COP1: variants seen among roughly 807,000 people sequenced by gnomAD.
COP1 encodes the protein E3 ubiquitin-protein ligase COP1.
In COP1, 24 loss-of-function variants were observed where a neutral mutation model predicts 101.3. That is an observed-to-expected ratio of 0.24 (90% CI 0.17 to 0.33). The LOEUF (loss-of-function observed/expected upper bound fraction) is 0.33, where lower values mean the gene tolerates loss of function less well. COP1 is among the 10% of genes least tolerant of loss of function. The pLI is 1.00. For missense variants in COP1, 663 were observed against 906.2 expected (o/e 0.73, Z 3.45); for synonymous variants, 347 against 341.9 (o/e 1.01, Z -0.17).
At chr1:176,100,241 T>C in intron 9 of COP1, 1 of 245,048 alleles carries the variant, frequency 4.1e-6, no homozygotes, top group Non-Finnish European at 8.5e-6. Flanking sequence ...AATACAAAAC[T>C]TACCAGGTGT....
chr1:176,132,517 A>G (rs1689047234), intron 8 of COP1, among the ~76,000 whole-genome samples: 2 of 150,374 alleles, frequency 1.3e-5, no homozygotes, highest in South Asian at 4.2e-4. Context: ...GTGTGTGTGT[A>G]TATACACACA....
chr1:176,141,555 AAGAG>A (rs1690686949), intron 6 of COP1, among the ~76,000 whole-genome samples: 1 of 152,042 alleles, frequency 6.6e-6, no homozygotes, highest in Admixed American at 6.6e-5. Context: ...TGCTAATTCT[AAGAG>A]AGTTACTATC....
intron 10 of COP1, among the ~76,000 whole-genome samples, chr1:176,085,423 T>C (rs1558075640): frequency 6.6e-6 from 1 of 152,204 alleles, no homozygotes; most frequent in Non-Finnish European, 1.5e-5. Flanking sequence ...CTTTCATCTT[T>C]TTATTCTTAG....
intron 18 of COP1, among the ~76,000 whole-genome samples, chr1:175,964,859 A>G (rs1407491116): frequency 6.6e-6 from 1 of 152,230 alleles, no homozygotes; most frequent in African/African-American, 2.4e-5. Flanking sequence ...CTCACAATCT[A>G]TACTATATCT....
intron 5 of COP1, among the ~76,000 whole-genome samples, chr1:176,160,613 G>A (rs1369989781): frequency 6.6e-6 from 1 of 151,844 alleles, no homozygotes. Context: ...GTGGGCAAAG[G>A]ATATGAACAG....
At chr1:176,090,488 T>C (rs1412214460) in intron 9 of COP1, among the ~76,000 whole-genome samples, 1 of 152,182 alleles carries the variant, frequency 6.6e-6, no homozygotes, top group Non-Finnish European at 1.5e-5. Flanking sequence ...GAAAGTAAGA[T>C]AATTTTCAAA....
chr1:176,134,897 A>G, intron 8 of COP1, 113 bp downstream of exon 8: 1 of 678,164 alleles, frequency 1.5e-6, no homozygotes, highest in Non-Finnish European at 2.5e-6. Context: ...GATCATGACC[A>G]AAGTAATTTC....
chr1:175,977,899 T>C (rs1276901779), intron 18 of COP1, among the ~76,000 whole-genome samples: 1 of 152,134 alleles, frequency 6.6e-6, no homozygotes, highest in Non-Finnish European at 1.5e-5. Context: ...TCAAAAGCTT[T>C]TAAGTAAAGG....
At chr1:176,092,314 T>C (rs1681477070) in intron 9 of COP1, among the ~76,000 whole-genome samples, 1 of 152,160 alleles carries the variant, frequency 6.6e-6, no homozygotes, top group African/African-American at 2.4e-5. Context: ...CTGGATAATA[T>C]GTTTACAATC....
At chr1:176,108,405 C>T (rs1441058236) in intron 9 of COP1, among the ~76,000 whole-genome samples, 1 of 152,160 alleles carries the variant, frequency 6.6e-6, no homozygotes, top group Admixed American at 6.5e-5. Context: ...ATGATTAATA[C>T]CAGTATACAA....
At chr1:175,980,596 T>A (rs868353892) in intron 18 of COP1, among the ~76,000 whole-genome samples, 13 of 152,170 alleles carry the variant, frequency 8.5e-5, no homozygotes, top group Middle Eastern at 6.8e-3. Context: ...GATCCCTGCC[T>A]CCCCTAACCC....
At chr1:175,968,813 A>G (rs140454098) in intron 18 of COP1, among the ~76,000 whole-genome samples, 1 of 152,358 alleles carries the variant, frequency 6.6e-6, no homozygotes, top group African/African-American at 2.4e-5. Context: ...TCTTCTCGCC[A>G]ACTGGCCCTA....
chr1:176,183,793 C>T (rs1349309891), intron 2 of COP1, among the ~76,000 whole-genome samples: 1 of 152,148 alleles, frequency 6.6e-6, no homozygotes, highest in African/African-American at 2.4e-5. Flanking sequence ...GAAATTCTGA[C>T]ACATGCTACA....
chr1:176,047,827 C>T (rs1015465547), intron 11 of COP1, among the ~76,000 whole-genome samples: 1 of 152,164 alleles, frequency 6.6e-6, no homozygotes, highest in Non-Finnish European at 1.5e-5. Flanking sequence ...GCAATCCCAG[C>T]ACTCTGAGAG....
intron 6 of COP1, among the ~76,000 whole-genome samples, chr1:176,147,222 C>A (rs536954891): frequency 6.6e-6 from 1 of 152,198 alleles, no homozygotes; most frequent in Non-Finnish European, 1.5e-5. Context: ...CGCAAATAGA[C>A]TTACATGGAA....
chr1:176,074,230 T>A (rs892466797), intron 11 of COP1, among the ~76,000 whole-genome samples: 1 of 152,152 alleles, frequency 6.6e-6, no homozygotes, highest in African/African-American at 2.4e-5. Context: ...CCTGGCCTCT[T>A]TATTCCTCTT....
At chr1:176,199,650 C>CA (rs1700073078) in intron 1 of COP1, among the ~76,000 whole-genome samples, 1 of 151,882 alleles carries the variant, frequency 6.6e-6, no homozygotes, top group Non-Finnish European at 1.5e-5. Flanking sequence ...AACATTATAC[C>CA]AAACGAAAGA....
chr1:176,191,243 A>G (rs1361729205), intron 1 of COP1, among the ~76,000 whole-genome samples: 2 of 152,102 alleles, frequency 1.3e-5, no homozygotes, highest in African/African-American at 2.4e-5. Flanking sequence ...TCCAAGCCCA[A>G]TGTTCTTTCT....
chr1:176,179,892 G>T (rs1697516002), intron 2 of COP1, among the ~76,000 whole-genome samples: 1 of 150,418 alleles, frequency 6.6e-6, no homozygotes, highest in East Asian at 1.9e-4. Context: ...ATAGCTGGAA[G>T]TAACTGTCCT....
Sources: gnomAD v4.1 joint callset for allele counts (sites outside exome capture counted in the v4.1 genomes callset) on GRCh38, gnomAD v4.1.1 for gene constraint, MANE v1.5 for transcripts, NCBI Gene and HGNC (gene_info 2026-07-23, HGNC 2026-07-21) for gene names.